The following PTPRT variants were observed in gnomAD, a reference collection of about 807,000 sequenced individuals.
PTPRT encodes the protein receptor-type tyrosine-protein phosphatase T.
Under a neutral mutation model 176.8 loss-of-function variants are expected in PTPRT, and 56 were observed. That is an observed-to-expected ratio of 0.32 (90% CI 0.26 to 0.40). The LOEUF is 0.40. Ranked by LOEUF, PTPRT falls within the 10% of genes least tolerant of loss-of-function variation. The probability of loss-of-function intolerance (pLI) is 1.00; values close to 1 mark genes in which losing one functional copy is unlikely to be tolerated. For missense variants in PTPRT, 1,540 were observed against 1,908.2 expected (o/e 0.81, Z 3.60); for synonymous variants, 783 against 739.0 (o/e 1.06, Z -0.96).
chr20:42,533,369 C>T (rs960320355), intron 7 of PTPRT, among the ~76,000 whole-genome samples: 10 of 152,144 alleles, frequency 6.6e-5, no homozygotes, highest in African/African-American at 9.7e-5. Context: ...GGCAGTGAGC[C>T]GTCTCTCTCA....
Position 42,615,347 on chromosome 20 carries a change from T to G in PTPRT, c.1153+62519A>C, listed in dbSNP as rs1412782525. On this transcript the variant is annotated intron_variant, in intron 7 of 30. Transcript: ENST00000373187. ...AATCCAGTCTATCATTGTTGGACATTTCGGTTGGTTCCAAGTCTTTGCTAT... is the reference window on the plus strand; with the variant it reads ...AATCCAGTCTATCATTGTTGGACATGTCGGTTGGTTCCAAGTCTTTGCTAT... Among the ~76,000 whole-genome samples the G allele has an allele frequency of 1.3e-4, 18 of 137,658 alleles. 4 individuals are homozygous for G. The highest frequency in any genetic ancestry group is 5.7e-4 in the African/African-American group (18 of 31,350). The allele number at this position is 137,658 out of a possible 152,430, so 90.3% of individuals were successfully genotyped here.
At chr20:42,673,417 G>T (rs1249971079) in intron 7 of PTPRT, among the ~76,000 whole-genome samples, 1 of 152,194 alleles carries the variant, frequency 6.6e-6, no homozygotes, top group Non-Finnish European at 1.5e-5. Context: ...TCGGGGGACA[G>T]GTCTGAGAAT....
At chr20:42,809,546 T>A (rs999439881) in intron 2 of PTPRT, among the ~76,000 whole-genome samples, 5 of 152,192 alleles carry the variant, frequency 3.3e-5, no homozygotes, top group Non-Finnish European at 7.4e-5. Context: ...CGGTTTAGGA[T>A]AACAGAGATT....
At chr20:42,219,892 A>G (rs962886163) in intron 15 of PTPRT, among the ~76,000 whole-genome samples, 7 of 152,184 alleles carry the variant, frequency 4.6e-5, no homozygotes, top group African/African-American at 1.7e-4. Flanking sequence ...GGCAAGACAG[A>G]TGAGAACTCA....
At chr20:43,070,999 A>T (rs1159115059) in intron 1 of PTPRT, among the ~76,000 whole-genome samples, 1 of 150,864 alleles carries the variant, frequency 6.6e-6, no homozygotes, top group Non-Finnish European at 1.5e-5. Flanking sequence ...AACTGCCCTC[A>T]ACCAAACCAG....
intron 24 of PTPRT, among the ~76,000 whole-genome samples, chr20:42,106,318 T>TGTTACATCTCTTGAAATGCCC (rs1316689671): frequency 1.3e-5 from 2 of 152,200 alleles, no homozygotes; most frequent in Non-Finnish European, 2.9e-5. Context: ...AGAGGCTGTG[T>TGTTACATCTCTTGAAATGCCC]GTTACATCTC....
chr20:42,306,942 C>A (rs928661668), intron 12 of PTPRT, among the ~76,000 whole-genome samples: 1 of 152,204 alleles, frequency 6.6e-6, no homozygotes, highest in African/African-American at 2.4e-5. Context: ...AAGGAAGCAG[C>A]ATAGGTGAAA....
At chr20:42,580,787 A>G (rs6072799) in intron 7 of PTPRT, among the ~76,000 whole-genome samples, 97,497 of 152,008 alleles carry the variant, frequency 0.64, 32,358 homozygotes, top group African/African-American at 0.8. Flanking sequence ...TTGCTTATCA[A>G]CTAAAGGAGA....
intron 7 of PTPRT, among the ~76,000 whole-genome samples, chr20:42,545,953 TC>T (rs2072666095): frequency 6.6e-6 from 1 of 152,208 alleles, no homozygotes. Context: ...TGTGTTTTTT[TC>T]TATATTAGTT....
chr20:42,914,282 G>C (rs1978586314), intron 1 of PTPRT, among the ~76,000 whole-genome samples: 1 of 152,140 alleles, frequency 6.6e-6, no homozygotes, highest in Non-Finnish European at 1.5e-5. Context: ...CTCATGTCAG[G>C]TTTTTATATT....
At chr20:42,217,376 TAC>T (rs71335847) in intron 15 of PTPRT, among the ~76,000 whole-genome samples, 9,298 of 104,140 alleles carry the variant, frequency 0.089, 326 homozygotes, top group East Asian at 0.13. Context: ...CTCTCAAACA[TAC>T]ACACACACAC....
At chr20:42,529,605 G>C (rs975441713) in intron 7 of PTPRT, among the ~76,000 whole-genome samples, 3 of 152,048 alleles carry the variant, frequency 2.0e-5, no homozygotes, top group Non-Finnish European at 4.4e-5. Context: ...TCCTGCCCCA[G>C]CCTCCCGAGT....
At position 42,885,843 on chromosome 20, in the gene PTPRT, A is replaced by C; in HGVS notation, c.178T>G (p.Trp60Gly). The C allele has an allele frequency of 1.2e-6, 2 of 1,609,770 alleles. No individual in the cohort carries two copies. Among genetic ancestry groups the C allele is most frequent in the Non-Finnish European group, 1.7e-6 (2 of 1,177,226 alleles). Reference protein sequence around the residue: ...NGFTWEQINTWEKPMLDQAVP... With the variant: ...NGFTWEQINTGEKPMLDQAVP... The stretch of plus-strand genomic sequence containing the variant: ...GCCTGGTCCAGCATTGGTTTCTCCC[A>C]TGTGTTAATCTGCTCCCAGGTGAAC... The change falls in exon 2 of 31, where the codon TGG (tryptophan) becomes GGG (glycine). Residue 60 changes from tryptophan to glycine, a missense_variant. By Grantham distance (184) the Trp-to-Gly change is radical. This residue lies in a region of PTPRT where 116 missense variants were observed against 118.5 expected (regional missense o/e 0.98). Transcript: ENST00000373187.
At chr20:43,031,811 T>C (rs1986149441) in intron 1 of PTPRT, among the ~76,000 whole-genome samples, 1 of 152,180 alleles carries the variant, frequency 6.6e-6, no homozygotes. Context: ...AGACCTCCAA[T>C]GCCCTTTCAT....
chr20:42,101,253 T>A lies in PTPRT; in HGVS notation c.3714+871A>T, dbSNP rs190176093. 1.4e-3 allele frequency among the ~76,000 whole-genome samples: 218 copies of A among 151,566 alleles called. 1 individual carries two copies. Among genetic ancestry groups the A allele is most frequent in the African/African-American group, 5.0e-3 (208 of 41,458 alleles). The stretch of plus-strand genomic sequence containing the variant: ...GAGGCTCAAGAAATGAATTCCAGAG[T>A]GTGACCCAGGAGCTCTGTGTGTGGG... On this transcript the variant is annotated intron_variant, in intron 26 of 30. Transcript: ENST00000373187.
At chr20:42,320,771 T>C (rs904391328) in intron 11 of PTPRT, among the ~76,000 whole-genome samples, 1 of 152,140 alleles carries the variant, frequency 6.6e-6, no homozygotes, top group Non-Finnish European at 1.5e-5. Flanking sequence ...ATTTGTCTCA[T>C]CTCAAACCAA....
chr20:43,101,516 A>G (rs2012391343), intron 1 of PTPRT, among the ~76,000 whole-genome samples: 7 of 152,128 alleles, frequency 4.6e-5, no homozygotes, highest in Admixed American at 4.6e-4. Flanking sequence ...TAATGATTAA[A>G]TGATGTAATA....
At chr20:42,948,938 G>A (rs550908346) in intron 1 of PTPRT, among the ~76,000 whole-genome samples, 4 of 152,240 alleles carry the variant, frequency 2.6e-5, no homozygotes, top group Admixed American at 6.5e-5. Flanking sequence ...CTGGGAACAC[G>A]TTCCATGAAC....
chr20:42,227,906 G>GC (rs1027431483), intron 15 of PTPRT, among the ~76,000 whole-genome samples: 8 of 152,156 alleles, frequency 5.3e-5, no homozygotes, highest in African/African-American at 1.7e-4. Flanking sequence ...ACCACGCCCA[G>GC]CCCCCTCATT....
Sources: allele counts gnomAD v4.1 joint callset (sites outside exome capture counted in the v4.1 genomes callset), GRCh38; gene constraint gnomAD v4.1.1; regional missense constraint gnomAD v4.1.1; transcripts MANE v1.5; gene names NCBI Gene and HGNC (gene_info 2026-07-23, HGNC 2026-07-21).